ADIPOR2: variants seen among roughly 807,000 people sequenced by gnomAD.
ADIPOR2 encodes adiponectin receptor 2.
ADIPOR2 carries 18 observed loss-of-function variants against 40.9 expected under a neutral mutation model. The observed-to-expected ratio is 0.44, with a 90% confidence interval of 0.30 to 0.65. The LOEUF (loss-of-function observed/expected upper bound fraction) is 0.65. Ranked by LOEUF, ADIPOR2 falls within the 30% of genes least tolerant of loss-of-function variation. The probability of loss-of-function intolerance (pLI) is 0.09; values close to 1 mark genes in which losing one functional copy is unlikely to be tolerated. For synonymous variants in ADIPOR2, 165 were observed against 166.4 expected (o/e 0.99, Z 0.06); for missense variants, 283 against 479.2 (o/e 0.59, Z 3.82).
chr12:1,754,329 A>G lies in ADIPOR2; in HGVS notation c.-15A>G. 1.9e-6 allele frequency: 3 copies of G among 1,570,906 alleles called. No homozygotes were observed. The highest frequency in any genetic ancestry group is 1.4e-5 in the African/African-American group (1 of 73,148). On this transcript the variant is annotated 5_prime_UTR_variant, in exon 2 of 8. Coordinates refer to ENST00000357103, the MANE Select transcript of ADIPOR2 (RefSeq NM_024551.3). The stretch of plus-strand genomic sequence containing the variant: ...AGAAAGACAGATCTATTTGTAAGAA[A>G]GGCTTGGGTATCCCATGAACGAGCC...
intron 1 of ADIPOR2, among the ~76,000 whole-genome samples, chr12:1,702,548 A>C (rs2094652561): frequency 6.6e-6 from 1 of 152,126 alleles, no homozygotes; most frequent in Non-Finnish European, 1.5e-5. Flanking sequence ...TATGGGGTTG[A>C]GTATGTTTTC....
chr12:1,757,924 G>T, intron 2 of ADIPOR2: 1 of 893,462 alleles, frequency 1.1e-6, no homozygotes, highest in Admixed American at 1.7e-5. Context: ...GTGGATGGAC[G>T]AGGAGCAAAC....
intron 1 of ADIPOR2, among the ~76,000 whole-genome samples, chr12:1,728,701 G>A (rs2094713132): frequency 6.6e-6 from 1 of 151,866 alleles, no homozygotes. Context: ...TCTAGGCTGG[G>A]CGACAGGGCA....
At position 1,772,936 on chromosome 12, in the gene ADIPOR2, A is replaced by G; in HGVS notation, c.266A>G (p.Glu89Gly). The change falls in exon 3 of 8, where the codon GAA becomes GGA. Residue 89 changes from glutamate to glycine, a missense_variant. Physicochemically the swap from Glu to Gly is moderately conservative, Grantham distance 98. Around this residue, in one of 3 missense-constraint regions of ADIPOR2, gnomAD observed 112 missense variants for 249.5 expected, o/e 0.45. Transcript: ENST00000357103. ...SPLLQAHHAM[E>G]KMEEFVCKVW... ...CTCTTACAAGCCCATCATGCTATGG[A>G]AAAAATGGAAGAATTTGTTTGTAAG... 1.9e-6 allele frequency: 3 copies of G among 1,613,470 alleles called. No individual in the cohort carries two copies. Among genetic ancestry groups the G allele is most frequent in the Non-Finnish European group, 2.5e-6 (3 of 1,179,666 alleles).
chr12:1,728,084 C>T (rs1203703361), intron 1 of ADIPOR2, among the ~76,000 whole-genome samples: 1 of 151,622 alleles, frequency 6.6e-6, no homozygotes, highest in Non-Finnish European at 1.5e-5. Context: ...TTACTTGTTC[C>T]TTCCTATCAG....
At chr12:1,691,271 C>A in intron 1 of ADIPOR2, 80 bp downstream of exon 1, 1 of 152,732 alleles carries the variant, frequency 6.5e-6, no homozygotes, top group South Asian at 2.0e-4. Context: ...AGCTTGGGGT[C>A]GGGGGGAGGT....
intron 1 of ADIPOR2, among the ~76,000 whole-genome samples, chr12:1,718,711 A>G (rs2094692293): frequency 6.6e-6 from 1 of 152,182 alleles, no homozygotes. Flanking sequence ...TCTCATTGGT[A>G]TCTTTCCATG....
intron 1 of ADIPOR2, among the ~76,000 whole-genome samples, chr12:1,713,949 A>G (rs2094682778): frequency 6.6e-6 from 1 of 152,062 alleles, no homozygotes; most frequent in South Asian, 2.1e-4. Flanking sequence ...CTCAATGGTT[A>G]AACATACCCG....
At chr12:1,780,868 G>T (rs778831168) in intron 5 of ADIPOR2, 21 bp from the exon 6 acceptor site, 2 of 1,552,388 alleles carry the variant, frequency 1.3e-6, no homozygotes, top group East Asian at 4.6e-5. Context: ...GCATTAAATG[G>T]ATTTTTTTTT....
intron 1 of ADIPOR2, among the ~76,000 whole-genome samples, chr12:1,720,593 T>C (rs2094695986): frequency 6.6e-6 from 1 of 152,098 alleles, no homozygotes; most frequent in South Asian, 2.1e-4. Context: ...ACAATAGGGT[T>C]CAGGCTTCTA....
chr12:1,737,495 C>T (rs1379880329), intron 1 of ADIPOR2, among the ~76,000 whole-genome samples: 1 of 152,080 alleles, frequency 6.6e-6, no homozygotes, highest in Non-Finnish European at 1.5e-5. Context: ...CCAAGTTTAC[C>T]AGATAGAAAA....
At chr12:1,706,948 C>T (rs537237528) in intron 1 of ADIPOR2, among the ~76,000 whole-genome samples, 2 of 152,142 alleles carry the variant, frequency 1.3e-5, no homozygotes, top group African/African-American at 4.8e-5. Flanking sequence ...CAGGATCACA[C>T]CACTGCAGTC....
At chr12:1,696,339 C>G (rs1054267096) in intron 1 of ADIPOR2, 1 of 166,588 alleles carries the variant, frequency 6.0e-6, no homozygotes, top group African/African-American at 2.4e-5. Context: ...ACTGGTGCTT[C>G]CCCACCCATC....
chr12:1,777,023 T>C (rs947853123), intron 3 of ADIPOR2, among the ~76,000 whole-genome samples: 2 of 152,188 alleles, frequency 1.3e-5, no homozygotes, highest in Non-Finnish European at 2.9e-5. Flanking sequence ...ATTTTCTGAC[T>C]CCTGTGCTCT....
At chr12:1,745,873 A>C (rs2094753896) in intron 1 of ADIPOR2, among the ~76,000 whole-genome samples, 1 of 151,024 alleles carries the variant, frequency 6.6e-6, no homozygotes, top group South Asian at 2.1e-4. Flanking sequence ...ATTTTGGTGC[A>C]AAATTTTATT....
At chr12:1,737,827 C>G (rs2094734145) in intron 1 of ADIPOR2, among the ~76,000 whole-genome samples, 1 of 152,200 alleles carries the variant, frequency 6.6e-6, no homozygotes, top group South Asian at 2.1e-4. Context: ...GCTAGGATTA[C>G]AGGCGGAGCC....
At chr12:1,752,301 T>G (rs1250654958) in intron 1 of ADIPOR2, among the ~76,000 whole-genome samples, 1 of 140,048 alleles carries the variant, frequency 7.1e-6, no homozygotes, top group African/African-American at 2.6e-5. Flanking sequence ...TGGCGTGATC[T>G]TGGCTCACTG....
At chr12:1,705,209 T>C (rs777846797) in intron 1 of ADIPOR2, among the ~76,000 whole-genome samples, 1 of 152,194 alleles carries the variant, frequency 6.6e-6, no homozygotes, top group African/African-American at 2.4e-5. Flanking sequence ...TGAAGTAGTT[T>C]AAACAGTGGG....
intron 7 of ADIPOR2, among the ~76,000 whole-genome samples, chr12:1,785,300 T>C (rs1050415313): frequency 2.0e-5 from 3 of 152,268 alleles, no homozygotes; most frequent in African/African-American, 7.2e-5. Flanking sequence ...TAATGTCACT[T>C]GCTTGTAGAC....
Sources: gnomAD v4.1 joint callset for allele counts (sites outside exome capture counted in the v4.1 genomes callset) on GRCh38, gnomAD v4.1.1 for gene constraint, gnomAD v4.1.1 regional missense constraint, MANE v1.5 for transcripts, NCBI Gene and HGNC (gene_info 2026-07-23, HGNC 2026-07-21) for gene names.